Variants in TANC1 observed in about 807,000 individuals in gnomAD.
The protein encoded by TANC1 is protein TANC1.
TANC1 carries 77 observed loss-of-function variants against 149.7 expected under a neutral mutation model. The observed-to-expected ratio is 0.51, with a 90% confidence interval of 0.43 to 0.62. TANC1 has a LOEUF of 0.62. Among genes scored for constraint, TANC1 ranks in the 20% least tolerant of loss-of-function variants. The pLI is 0.00. For missense variants in TANC1, 1,985 were observed against 2,321.8 expected (o/e 0.85, Z 2.98); for synonymous variants, 854 against 925.0 (o/e 0.92, Z 1.39).
intron 19 of TANC1, among the ~76,000 whole-genome samples, chr2:159,213,020 A>C (rs567931261): frequency 6.6e-6 from 1 of 152,210 alleles, no homozygotes; most frequent in African/African-American, 2.4e-5. Context: ...AACAAAGGTA[A>C]GGTTTGAGAG....
At chr2:159,179,600 C>T (rs191098363) in intron 14 of TANC1, among the ~76,000 whole-genome samples, 4 of 152,306 alleles carry the variant, frequency 2.6e-5, no homozygotes, top group African/African-American at 9.6e-5. Context: ...CTCCACTCCC[C>T]TGCCACCCCT....
rs763069418 is a variant in TANC1, at chr2:159,174,960, C to T, written c.1511C>T (p.Ala504Val). The change falls in exon 12 of 27, where the codon GCC (alanine) becomes GTC (valine). Residue 504 changes from alanine to valine, a missense_variant. Physicochemically the swap from Ala to Val is moderately conservative, Grantham distance 64 (BLOSUM62 0). Coordinates refer to ENST00000263635, the MANE Select transcript of TANC1 (RefSeq NM_033394.3). ...GGTTCTGCTTCCCCCTAGGTGGTGG[C>T]CTACCACTACTGCCAGGCTGACAAC... The part of the protein sequence containing the change: ...AVKYLASKVV[A>V]YHYCQADNTY... The T allele has an allele frequency of 1.2e-6, 2 of 1,613,818 alleles. No individual in the cohort carries two copies. The highest frequency in any genetic ancestry group is 1.7e-6 in the Non-Finnish European group (2 of 1,179,896).
At chr2:159,181,283 C>A (rs180776040) in intron 14 of TANC1, among the ~76,000 whole-genome samples, 15 of 151,676 alleles carry the variant, frequency 9.9e-5, no homozygotes, top group Admixed American at 8.5e-4. Context: ...CTTCACTATA[C>A]CCTCATTGGA....
intron 3 of TANC1, among the ~76,000 whole-genome samples, chr2:159,068,536 A>T (rs1482760285): frequency 2.0e-5 from 3 of 152,206 alleles, no homozygotes; most frequent in Admixed American, 2.0e-4. Context: ...AATTTGGAAA[A>T]ATGCAGTAAC....
chr2:159,197,616 C>A (rs2057955971), intron 18 of TANC1, among the ~76,000 whole-genome samples: 1 of 142,570 alleles, frequency 7.0e-6, no homozygotes, highest in Non-Finnish European at 1.6e-5. Context: ...CACACACACA[C>A]ACACACACAC....
chr2:159,171,460 C>T (rs1026164386), intron 10 of TANC1, among the ~76,000 whole-genome samples: 6 of 151,634 alleles, frequency 4.0e-5, no homozygotes, highest in Admixed American at 1.3e-4. Flanking sequence ...AGGGAGACCT[C>T]GTCTCTACAA....
intron 2 of TANC1, among the ~76,000 whole-genome samples, chr2:159,026,231 C>T (rs553664599): frequency 1.2e-3 from 189 of 152,332 alleles, no homozygotes; most frequent in African/African-American, 4.0e-3. Flanking sequence ...CTGTGTCTGG[C>T]CTTGCTTCAG....
chr2:159,079,028 AACAATAAAAT>A (rs1280467159), intron 3 of TANC1, among the ~76,000 whole-genome samples: 2 of 152,184 alleles, frequency 1.3e-5, no homozygotes, highest in African/African-American at 4.8e-5. Flanking sequence ...TTAAGCAAGG[AACAATAAAAT>A]ATATTTGTAG....
Position 159,172,189 on chromosome 2 carries a change from A to G in TANC1, c.1420A>G (p.Ser474Gly), listed in dbSNP as rs542993213. Residue 474 changes from serine to glycine, a missense_variant, in exon 11 of 27, where the codon AGC becomes GGC. Physicochemically the swap from Ser to Gly is moderately conservative, Grantham distance 56 (BLOSUM62 0). Transcript: ENST00000263635. ...ACCGAGTTCTTCCACAAGTGCTTCC[A>G]GCACAGCTAAAACACCTCTTGGGTC... ...LSPSSSTSASSTAKTPLGSIS... is the reference protein window; with the variant it reads ...LSPSSSTSASGTAKTPLGSIS... The G allele has an allele frequency of 6.2e-7, 1 of 1,614,226 alleles. No individual in the cohort carries two copies. The highest frequency in any genetic ancestry group is 1.1e-5 in the South Asian group (1 of 91,086).
chr2:159,066,550 TG>T (rs2042685389), intron 3 of TANC1, among the ~76,000 whole-genome samples: 1 of 152,236 alleles, frequency 6.6e-6, no homozygotes, highest in African/African-American at 2.4e-5. Context: ...CATTCAGATC[TG>T]GAGGGAGTCA....
At chr2:159,073,724 TC>T (rs2043372637) in intron 3 of TANC1, among the ~76,000 whole-genome samples, 1 of 152,224 alleles carries the variant, frequency 6.6e-6, no homozygotes, top group East Asian at 1.9e-4. Flanking sequence ...GTAACTTAAT[TC>T]CCATAAAAAG....
intron 4 of TANC1, among the ~76,000 whole-genome samples, chr2:159,115,004 C>T (rs1159442872): frequency 6.6e-6 from 1 of 152,214 alleles, no homozygotes; most frequent in Admixed American, 6.5e-5. Context: ...ATGTGTTGGG[C>T]TCTGGACTAG....
At chr2:159,015,743 C>G (rs1465248496) in intron 2 of TANC1, among the ~76,000 whole-genome samples, 1 of 152,160 alleles carries the variant, frequency 6.6e-6, no homozygotes, top group African/African-American at 2.4e-5. Flanking sequence ...CCACAGATCT[C>G]TAGGGCAGGG....
chr2:159,176,169 G>A (rs956323647), intron 12 of TANC1, among the ~76,000 whole-genome samples, 183 bp from the exon 13 acceptor site: 9 of 152,130 alleles, frequency 5.9e-5, no homozygotes, highest in Non-Finnish European at 5.9e-5. Context: ...TTTTCTTTTG[G>A]CTCTGTGCTC....
At chr2:159,223,348 T>C (rs1334406350) in intron 22 of TANC1, among the ~76,000 whole-genome samples, 1 of 152,134 alleles carries the variant, frequency 6.6e-6, no homozygotes, top group Admixed American at 6.5e-5. Context: ...AAGGTGAACA[T>C]CTTCTCATAT....
chr2:159,159,703 TGTGTGTGTGTGTGTGAGAGA>T (rs1559366589), intron 7 of TANC1, among the ~76,000 whole-genome samples: 1 of 62,184 alleles, frequency 1.6e-5, no homozygotes, highest in East Asian at 3.6e-4. Flanking sequence ...TGTGTGTGTG[TGTGTGTGTGTGTGTGAGAGA>T]GAGAGAGAGA....
At chr2:158,978,446 C>T (rs1261838498) in intron 1 of TANC1, among the ~76,000 whole-genome samples, 1 of 152,208 alleles carries the variant, frequency 6.6e-6, no homozygotes. Context: ...CACATGGGAA[C>T]ACTGACACAG....
At chr2:159,094,779 G>C in intron 3 of TANC1, among the ~76,000 whole-genome samples, 1 of 148,814 alleles carries the variant, frequency 6.7e-6, no homozygotes, top group African/African-American at 2.5e-5. Context: ...GTGTGTGGGG[G>C]GGGGGTGGGG....
In TANC1 at chr2:158,968,665, C is replaced by G. The variant is rs1206869845; in HGVS notation, c.-243C>G. 1 of 152,374 alleles carries G rather than the reference C, an allele frequency of 6.6e-6. No homozygotes were observed. Among genetic ancestry groups the G allele is most frequent in the African/African-American group, 2.4e-5 (1 of 41,466 alleles). The allele number at this position is 152,374 out of a possible 1,614,324, so 9.4% of individuals were successfully genotyped here. A position where few individuals can be genotyped will look rare whatever the true frequency, so the allele number is the denominator to read the frequency against. On this transcript the variant is annotated 5_prime_UTR_variant, in exon 1 of 27. Coordinates refer to ENST00000263635, the MANE Select transcript of TANC1 (RefSeq NM_033394.3). ...GGCTTTGCTGTGGCAGCTGCTGGAG[C>G]GGCGGCCGCCTCGGGAGCCGGAGGA...
Sources: allele counts gnomAD v4.1 joint callset (sites outside exome capture counted in the v4.1 genomes callset), GRCh38; gene constraint gnomAD v4.1.1; transcripts MANE v1.5; gene names NCBI Gene and HGNC (gene_info 2026-07-23, HGNC 2026-07-21).